Variants in DCLK1 observed in about 807,000 individuals in gnomAD.
The protein encoded by DCLK1 is serine/threonine-protein kinase DCLK1.
In DCLK1, 16 loss-of-function variants were observed where a neutral mutation model predicts 86.2. The observed-to-expected ratio is 0.19, with a 90% confidence interval of 0.13 to 0.28. The LOEUF (loss-of-function observed/expected upper bound fraction) is 0.28, where lower values mean the gene tolerates loss of function less well. DCLK1 is among the 10% of genes least tolerant of loss of function. DCLK1 has a pLI of 1.00. For missense variants in DCLK1, 590 were observed against 940.2 expected, an observed-to-expected ratio of 0.63 and a Z score of 4.87; for synonymous variants, 369 against 370.5, an observed-to-expected ratio of 1.00 and a Z score of 0.05.
At chr13:36,122,411 A>T (rs1350137491) in intron 2 of DCLK1, among the ~76,000 whole-genome samples, 1 of 152,216 alleles carries the variant, frequency 6.6e-6, no homozygotes, top group Non-Finnish European at 1.5e-5. Flanking sequence ...ACATATCTAC[A>T]GAGTTTTTAT....
Position 36,126,082 on chromosome 13 carries a change from T to C in DCLK1, c.56A>G (p.Gln19Arg), listed in dbSNP as rs1886169405. The change falls in exon 2 of 17, where the codon CAG becomes CGG. Residue 19 changes from glutamine to arginine, a missense_variant. Physicochemically the swap from Gln to Arg is conservative, Grantham distance 43. This residue lies in a region of DCLK1 where 50 missense variants were observed against 47.8 expected (regional missense o/e 1.05). Coordinates refer to ENST00000360631, the MANE Select transcript of DCLK1 (RefSeq NM_001330071.2). ...LEHFDERDKA[Q>R]RYSRGSRVNG... is the part of the protein sequence containing the mutation. Reference sequence around the variant, plus strand: ...CACCCGCGACCCTCGGCTGTATCTCTGCGCCTTATCCCGCTCGTCGAAGTG... The same window carrying C: ...CACCCGCGACCCTCGGCTGTATCTCCGCGCCTTATCCCGCTCGTCGAAGTG... 7.4e-6 allele frequency: 12 copies of C among 1,612,158 alleles called. No homozygotes were observed. The highest frequency in any genetic ancestry group is 1.0e-5 in the Non-Finnish European group (12 of 1,179,836).
intron 3 of DCLK1, among the ~76,000 whole-genome samples, chr13:36,038,732 C>A (rs942523536): frequency 2.0e-5 from 3 of 152,160 alleles, no homozygotes; most frequent in African/African-American, 7.2e-5. Flanking sequence ...CTATGACAAG[C>A]ACAGCAAAGT....
chr13:35,805,687 C>G lies in DCLK1; in HGVS notation c.1944+12G>C. 1 of 1,610,004 alleles carries G rather than the reference C, an allele frequency of 6.2e-7. No individual in the cohort carries two copies. Among genetic ancestry groups the G allele is most frequent in the Middle Eastern group, 1.7e-4 (1 of 6,048 alleles). On this transcript the variant is annotated intron_variant, in intron 15 of 16. Coordinates refer to ENST00000360631, the MANE Select transcript of DCLK1 (RefSeq NM_001330071.2). The stretch of plus-strand genomic sequence containing the variant: ...TTAGGAGAGAACAAAGGAAATGGTG[C>G]GAGTCACTTACATTAACCCAGGGAT...
At chr13:35,820,803 A>G (rs2087376003) in intron 11 of DCLK1, among the ~76,000 whole-genome samples, 2 of 152,216 alleles carry the variant, frequency 1.3e-5, no homozygotes, top group African/African-American at 4.8e-5. Flanking sequence ...TGTGAAGATG[A>G]GGAATTTAAG....
rs1566600224 is a variant in DCLK1 at position 35,914,345 on chromosome 13, A to ACG, written c.823+33012_823+33013insCG. Among the ~76,000 whole-genome samples, 64 of 17,220 alleles carry ACG rather than the reference A, an allele frequency of 3.7e-3. 1 individual carries two copies. In the South Asian group the frequency reaches 0.095, roughly 26 times the overall value. 11.3% of individuals were successfully genotyped at this position (17,220 alleles called of 152,430 possible). On this transcript the variant is annotated intron_variant, in intron 4 of 16. Coordinates refer to ENST00000360631, the MANE Select transcript of DCLK1 (RefSeq NM_001330071.2). ...AGAAAAAAAAAAAATATATATATAT[A>ACG]TATACATATATATATATATATATGT...
intron 3 of DCLK1, among the ~76,000 whole-genome samples, chr13:36,076,721 C>G (rs1884227915): frequency 6.6e-6 from 1 of 152,162 alleles, no homozygotes; most frequent in Non-Finnish European, 1.5e-5. Context: ...GTTCCGATTG[C>G]ACCCGCCACC....
At chr13:35,851,178 G>A (rs149967807) in intron 6 of DCLK1, among the ~76,000 whole-genome samples, 66 of 152,260 alleles carry the variant, frequency 4.3e-4, no homozygotes, top group Middle Eastern at 3.4e-3. Context: ...CCCAAATGGC[G>A]TTCAGCAAAT....
At chr13:36,087,776 C>G (rs1427452239) in intron 3 of DCLK1, among the ~76,000 whole-genome samples, 1 of 152,080 alleles carries the variant, frequency 6.6e-6, no homozygotes, top group Non-Finnish European at 1.5e-5. Flanking sequence ...ATTCCCAATA[C>G]TAGAAACACC....
At chr13:35,923,301 A>T in intron 4 of DCLK1, among the ~76,000 whole-genome samples, 1 of 152,018 alleles carries the variant, frequency 6.6e-6, no homozygotes, top group East Asian at 1.9e-4. Context: ...GTCACACTCC[A>T]GTTTGGTTTG....
intron 7 of DCLK1, 108 bp from the exon 8 acceptor site, chr13:35,836,249 A>G (rs1869370146): frequency 4.1e-6 from 4 of 981,738 alleles, no homozygotes; most frequent in Admixed American, 4.3e-5. Context: ...TTCAGAATCA[A>G]TATGTCATTC....
intron 16 of DCLK1, among the ~76,000 whole-genome samples, chr13:35,787,561 A>G (rs1256223810): frequency 6.6e-6 from 1 of 152,228 alleles, no homozygotes; most frequent in Non-Finnish European, 1.5e-5. Flanking sequence ...CAGATAAGCC[A>G]GCTAAATAAT....
intron 3 of DCLK1, among the ~76,000 whole-genome samples, chr13:36,027,845 AC>A (rs1465557718): frequency 1.3e-5 from 2 of 151,986 alleles, no homozygotes; most frequent in East Asian, 3.9e-4. Flanking sequence ...TGACCCTCCC[AC>A]CTCAGCCTCC....
At chr13:35,809,951 A>C (rs2087107952) in intron 12 of DCLK1, among the ~76,000 whole-genome samples, 2 of 152,144 alleles carry the variant, frequency 1.3e-5, no homozygotes, top group South Asian at 4.1e-4. Context: ...AGTGCCACCT[A>C]GATTCCCAGC....
intron 15 of DCLK1, among the ~76,000 whole-genome samples, chr13:35,804,313 T>A (rs1452310635): frequency 2.5e-5 from 3 of 122,118 alleles, no homozygotes; most frequent in Non-Finnish European, 5.1e-5. Flanking sequence ...TTTTTTTTTT[T>A]AATAGAGACG....
chr13:35,836,417 G>T (rs919146278), intron 7 of DCLK1, among the ~76,000 whole-genome samples: 4 of 152,154 alleles, frequency 2.6e-5, no homozygotes, highest in African/African-American at 9.7e-5. Flanking sequence ...GGATTCTCAG[G>T]AGGAAGCTTT....
chr13:35,777,533 A>C (rs2086444004), intron 16 of DCLK1, among the ~76,000 whole-genome samples: 1 of 152,218 alleles, frequency 6.6e-6, no homozygotes, highest in Non-Finnish European at 1.5e-5. Context: ...CTAGGGAAAG[A>C]CATTGGCCAC....
intron 3 of DCLK1, among the ~76,000 whole-genome samples, chr13:35,948,351 A>T (rs545819095): frequency 6.6e-6 from 1 of 152,182 alleles, no homozygotes; most frequent in Admixed American, 6.5e-5. Flanking sequence ...GCAGGCACCC[A>T]TTCAGAGCTG....
At chr13:35,777,629 A>C (rs7328278) in intron 16 of DCLK1, among the ~76,000 whole-genome samples, 11,820 of 152,176 alleles carry the variant, frequency 0.078, 981 homozygotes, top group African/African-American at 0.2. Context: ...AGGATCCACC[A>C]TGTACACAAT....
At chr13:36,129,295 G>GA (rs1212088452) in intron 1 of DCLK1, among the ~76,000 whole-genome samples, 1 of 152,094 alleles carries the variant, frequency 6.6e-6, no homozygotes, top group East Asian at 1.9e-4. Context: ...CACACCAGAT[G>GA]AAAAAAGAAG....
Sources: allele counts gnomAD v4.1 joint callset (sites outside exome capture counted in the v4.1 genomes callset), GRCh38; gene constraint gnomAD v4.1.1; regional missense constraint gnomAD v4.1.1; transcripts MANE v1.5; gene names NCBI Gene and HGNC (gene_info 2026-07-23, HGNC 2026-07-21).